Variants in FRK observed in about 807,000 individuals in gnomAD.
The protein encoded by FRK is fyn related Src family tyrosine kinase.
FRK carries 51 observed loss-of-function variants against 56.4 expected under a neutral mutation model. The observed-to-expected ratio is 0.90, with a 90% confidence interval of 0.72 to 1.14. The LOEUF (loss-of-function observed/expected upper bound fraction) is 1.14. Ranked by LOEUF, FRK falls within the 50% of genes most tolerant of loss-of-function variation. The pLI, the probability that FRK is intolerant of heterozygous loss-of-function variation, is 0.00. For synonymous variants in FRK, 245 were observed against 217.9 expected (o/e 1.12, Z -1.10); for missense variants, 570 against 601.4 (o/e 0.95, Z 0.55).
chr6:116,061,690 G>A (rs191712473), upstream of FRK, among the ~76,000 whole-genome samples: 22 of 152,226 alleles, frequency 1.4e-4, no homozygotes, highest in Non-Finnish European at 2.6e-4. Flanking sequence ...AAAAACAGCC[G>A]GGCAATGAGT....
At chr6:116,061,115 G>T (rs1245584886), upstream of FRK, among the ~76,000 whole-genome samples, 1 of 152,162 alleles carries the variant, frequency 6.6e-6, no homozygotes. Flanking sequence ...TCACGGCAGA[G>T]ATTTTTTTCC....
chr6:116,091,659 C>T, the FRK span, among the ~76,000 whole-genome samples: 12 of 152,110 alleles, frequency 7.9e-5, no homozygotes, highest in African/African-American at 1.9e-4. Context: ...CCTTAGAATT[C>T]GGGGGCTAAA....
At chr6:116,063,008 T>A (rs1202437381), upstream of FRK, among the ~76,000 whole-genome samples, 2 of 152,160 alleles carry the variant, frequency 1.3e-5, no homozygotes, top group African/African-American at 4.8e-5. Flanking sequence ...CTTATTCCCA[T>A]CTCTGGCTCA....
At chr6:116,040,173 A>G (rs904198648) in intron 1 of FRK, among the ~76,000 whole-genome samples, 1 of 152,138 alleles carries the variant, frequency 6.6e-6, no homozygotes, top group African/African-American at 2.4e-5. Context: ...AGAGCATAAT[A>G]TTAAGGGATA....
chr6:116,094,983 A>C, the FRK span, among the ~76,000 whole-genome samples: 2 of 152,246 alleles, frequency 1.3e-5, no homozygotes, highest in African/African-American at 4.8e-5. Context: ...TATAATTGAT[A>C]ATTGAAGGTC....
intron 4 of FRK, among the ~76,000 whole-genome samples, chr6:115,958,700 GAAAGAAGAAAGAAAGA>G (rs1773150934): frequency 3.9e-4 from 2 of 5,164 alleles, no homozygotes; most frequent in African/African-American, 1.4e-3. Context: ...AAGAAAGAAA[GAAAGAAGAAAGAAAGA>G]AAGAAAGAAA....
chr6:115,991,968 T>C (rs972635817), intron 2 of FRK, among the ~76,000 whole-genome samples: 4 of 151,608 alleles, frequency 2.6e-5, no homozygotes, highest in Non-Finnish European at 4.4e-5. Flanking sequence ...TATTGGTCTA[T>C]TTTGGGAATT....
intron 2 of FRK, among the ~76,000 whole-genome samples, chr6:115,989,186 A>T (rs1774500399): frequency 6.6e-6 from 1 of 151,948 alleles, no homozygotes; most frequent in African/African-American, 2.4e-5. Flanking sequence ...TAGCTTTGTT[A>T]GTTATTCAAG....
intron 2 of FRK, among the ~76,000 whole-genome samples, chr6:115,980,512 A>T (rs1298056015): frequency 6.6e-6 from 1 of 152,172 alleles, no homozygotes; most frequent in African/African-American, 2.4e-5. Context: ...GGCAAAGATG[A>T]TTAAATTTGC....
chr6:116,065,173 A>G (rs1777738401), upstream of FRK, among the ~76,000 whole-genome samples: 2 of 152,094 alleles, frequency 1.3e-5, no homozygotes, highest in Non-Finnish European at 2.9e-5. Context: ...ATGCTCCTAT[A>G]CCTGGTATGC....
intron 1 of FRK, among the ~76,000 whole-genome samples, chr6:116,016,809 A>G (rs1775675154): frequency 6.6e-6 from 1 of 152,124 alleles, no homozygotes; most frequent in South Asian, 2.1e-4. Context: ...ATGAATAATT[A>G]CCAATAATAA....
chr6:116,020,860 C>G (rs1345751165), intron 1 of FRK, among the ~76,000 whole-genome samples: 1 of 152,036 alleles, frequency 6.6e-6, no homozygotes, highest in African/African-American at 2.4e-5. Flanking sequence ...ACCACTTTAC[C>G]CAACATCCAG....
rs574408719 is a variant in FRK, at chr6:115,988,180, A to G, written c.466+15697T>C. Reference sequence around the variant, plus strand: ...TCTAAAATGCATTATAAATGACTTCATGATTGACAGGATGCTGATAAATAG... The same window carrying G: ...TCTAAAATGCATTATAAATGACTTCGTGATTGACAGGATGCTGATAAATAG... On this transcript the variant is annotated intron_variant, in intron 2 of 7. Transcript: ENST00000606080. Among the ~76,000 whole-genome samples, 136 of 152,270 alleles carry G rather than the reference A, an allele frequency of 8.9e-4. 2 individuals carry two copies. Among genetic ancestry groups the G allele is most frequent in the African/African-American group, 3.2e-3 (134 of 41,566 alleles).
the FRK span, among the ~76,000 whole-genome samples, chr6:116,067,071 G>A: frequency 6.6e-6 from 1 of 152,008 alleles, no homozygotes; most frequent in Non-Finnish European, 1.5e-5. Context: ...AGTATGACAG[G>A]TGTCCTCATA....
Position 115,970,019 on chromosome 6 carries a change from T to C in FRK, c.467-1280A>G, listed in dbSNP as rs568359370. 3.3e-5 allele frequency among the ~76,000 whole-genome samples: 5 copies of C among 152,324 alleles called. No homozygotes were observed. In the East Asian group the frequency reaches 7.7e-4, roughly 23 times the overall value. Reference sequence around the variant, plus strand: ...GCTATTCTGCATTCCTTGCTAAATATATAACTTTATGCTTCAATGATTAGT... The same window carrying C: ...GCTATTCTGCATTCCTTGCTAAATACATAACTTTATGCTTCAATGATTAGT... On this transcript the variant is annotated intron_variant, in intron 2 of 7. Coordinates refer to ENST00000606080, the MANE Select transcript of FRK (RefSeq NM_002031.3).
chr6:116,100,103 A>G, the FRK span, among the ~76,000 whole-genome samples: 5,871 of 152,344 alleles, frequency 0.039, 245 homozygotes, highest in Admixed American at 0.13. Flanking sequence ...CCGGTTTGCA[A>G]AAGTTTTTTG....
At chr6:116,099,218 G>A in the FRK span, among the ~76,000 whole-genome samples, 386 of 152,238 alleles carry the variant, frequency 2.5e-3, 10 homozygotes, top group South Asian at 0.044. Flanking sequence ...GGTTTTGTAA[G>A]GAGAAGTTTT....
intron 1 of FRK, among the ~76,000 whole-genome samples, chr6:116,013,056 T>C (rs1455066847): frequency 6.6e-6 from 1 of 152,212 alleles, no homozygotes; most frequent in African/African-American, 2.4e-5. Context: ...GCTTGGGTCA[T>C]TTGATAAAGC....
chr6:116,056,527 G>T (rs374623562), intron 1 of FRK, among the ~76,000 whole-genome samples: 3 of 152,058 alleles, frequency 2.0e-5, no homozygotes, highest in East Asian at 1.9e-4. Flanking sequence ...TAATATTATT[G>T]CTGATCATAT....
Sources: gnomAD v4.1 joint callset for allele counts (sites outside exome capture counted in the v4.1 genomes callset) on GRCh38, gnomAD v4.1.1 for gene constraint, MANE v1.5 for transcripts, NCBI Gene and HGNC (gene_info 2026-07-23, HGNC 2026-07-21) for gene names.